SH3RF3: variants seen among roughly 807,000 people sequenced by gnomAD.
SH3RF3 encodes the protein E3 ubiquitin-protein ligase SH3RF3.
In SH3RF3, 29 loss-of-function variants were observed where a neutral mutation model predicts 66.3. The observed-to-expected ratio is 0.44, with a 90% CI of 0.33 to 0.60. The LOEUF (loss-of-function observed/expected upper bound fraction) is 0.60. Among genes scored for constraint, SH3RF3 ranks in the 20% least tolerant of loss-of-function variants. SH3RF3 has a pLI of 0.04. For missense variants in SH3RF3, 1,194 were observed against 1,190.9 expected (o/e 1.00, Z -0.04); for synonymous variants, 583 against 532.0 (o/e 1.10, Z -1.32).
chr2:109,427,720 C>T (rs1285950039), intron 5 of SH3RF3, among the ~76,000 whole-genome samples: 2 of 152,244 alleles, frequency 1.3e-5, no homozygotes. Context: ...ACACTTGGTT[C>T]TACCTGGGAG....
Position 109,279,510 on chromosome 2 carries a change from G to A in SH3RF3, c.574-68164G>A, listed in dbSNP as rs376112039. 5.3e-5 allele frequency among the ~76,000 whole-genome samples: 8 copies of A among 152,250 alleles called. No homozygotes were observed. In the East Asian group the frequency reaches 5.8e-4, roughly 11 times the overall value. ...CTCTGAGGCTTTAACTGGGGAAGTC[G>A]CCACCGCCCCCTCCATCACCCTTGT... On this transcript the variant is annotated intron_variant, in intron 1 of 9. Coordinates refer to ENST00000309415, the MANE Select transcript of SH3RF3 (RefSeq NM_001099289.3).
At chr2:109,241,867 G>A (rs1055342996) in intron 1 of SH3RF3, among the ~76,000 whole-genome samples, 3 of 151,434 alleles carry the variant, frequency 2.0e-5, no homozygotes, top group Non-Finnish European at 4.4e-5. Context: ...CCGGGTTCAC[G>A]CCATTCTCCT....
intron 1 of SH3RF3, among the ~76,000 whole-genome samples, chr2:109,249,583 C>T (rs55739541): frequency 0.43 from 35,414 of 82,508 alleles, 7,450 homozygotes; most frequent in East Asian, 0.45. Context: ...TTCCTTCCTT[C>T]CTTTCCTTTC....
intron 1 of SH3RF3, among the ~76,000 whole-genome samples, chr2:109,304,083 A>G (rs540362149): frequency 2.4e-4 from 36 of 151,734 alleles, no homozygotes; most frequent in Admixed American, 2.2e-3. Context: ...CCTGGGCAAC[A>G]GGAGCAAAAC....
At chr2:109,171,705 T>G (rs1223206172) in intron 1 of SH3RF3, among the ~76,000 whole-genome samples, 1 of 152,242 alleles carries the variant, frequency 6.6e-6, no homozygotes, top group Non-Finnish European at 1.5e-5. Context: ...AGCTAATGCC[T>G]TCCAGAGGCC....
rs367908519 is a variant in SH3RF3 at position 109,140,131 on chromosome 2, C to G, written c.573+10018C>G. Among the ~76,000 whole-genome samples, 22 of 152,280 alleles carry G rather than the reference C, an allele frequency of 1.4e-4. 1 individual carries two copies. The South Asian group carries it at 2.3e-3, about 16-fold the overall frequency. ...CCCCTTTTCCCTCTGTCCACCGTCC[C>G]CTCCTGCACCATCACTGTCACTTCT... is the stretch of plus-strand genomic sequence containing the variant. On this transcript the variant is annotated intron_variant, in intron 1 of 9. Coordinates refer to ENST00000309415, the MANE Select transcript of SH3RF3 (RefSeq NM_001099289.3).
chr2:109,191,064 C>G (rs968095740), intron 1 of SH3RF3, among the ~76,000 whole-genome samples: 10 of 151,978 alleles, frequency 6.6e-5, no homozygotes, highest in African/African-American at 2.4e-4. Context: ...GTCTAACCTC[C>G]TCTGTTGTAT....
chr2:109,449,593 T>G, intron 8 of SH3RF3, 104 bp downstream of exon 8: 1 of 1,404,624 alleles, frequency 7.1e-7, no homozygotes, highest in Non-Finnish European at 9.6e-7. Context: ...AGCTAGAATG[T>G]GGGCTCCAAG....
At chr2:109,190,457 AG>A (rs1678321978) in intron 1 of SH3RF3, among the ~76,000 whole-genome samples, 1 of 152,200 alleles carries the variant, frequency 6.6e-6, no homozygotes, top group Non-Finnish European at 1.5e-5. Context: ...TATAGGCGTG[AG>A]CCACTGCGCC....
intron 9 of SH3RF3, among the ~76,000 whole-genome samples, chr2:109,496,118 C>T (rs565374222): frequency 5.4e-4 from 83 of 152,336 alleles, no homozygotes; most frequent in African/African-American, 1.9e-3. Context: ...TGTTTTTGTC[C>T]TATCAGAACG....
At chr2:109,424,107 G>A (rs1393477791) in intron 5 of SH3RF3, among the ~76,000 whole-genome samples, 1 of 152,218 alleles carries the variant, frequency 6.6e-6, no homozygotes, top group Non-Finnish European at 1.5e-5. Flanking sequence ...CCTGGAGGCA[G>A]GCCCTGAGAT....
chr2:109,382,800 C>T (rs930469476), intron 3 of SH3RF3, among the ~76,000 whole-genome samples: 2 of 152,206 alleles, frequency 1.3e-5, no homozygotes, highest in African/African-American at 4.8e-5. Context: ...AGTTAGCACC[C>T]CCAATGTTCT....
Position 109,495,477 on chromosome 2 carries a change from C to CTTTTTTTTTTTTTT in SH3RF3, c.2480+4560_2480+4573dup, listed in dbSNP as rs569509984. On this transcript the variant is annotated intron_variant, in intron 9 of 9. Coordinates refer to ENST00000309415, the MANE Select transcript of SH3RF3 (RefSeq NM_001099289.3). ...ATTTCATCCTGAATATCTTTCATTC[C>CTTTTTTTTTTTTTT]TTTTTTTTTTTTTTTTTTTTTTTTT... Among the ~76,000 whole-genome samples, 8 of 94,240 alleles carry CTTTTTTTTTTTTTT rather than the reference C, an allele frequency of 8.5e-5. 2 individuals carry two copies. The highest frequency in any genetic ancestry group is 2.3e-4 in the African/African-American group (5 of 21,870). The allele number at this position is 94,240 out of a possible 152,430, so 61.8% of individuals were successfully genotyped here.
At chr2:109,160,326 A>T (rs1677460198) in intron 1 of SH3RF3, among the ~76,000 whole-genome samples, 1 of 152,232 alleles carries the variant, frequency 6.6e-6, no homozygotes, top group African/African-American at 2.4e-5. Context: ...CTTGGGGTGC[A>T]GCCCATGCTT....
At chr2:109,380,027 A>G (rs1278157958) in intron 3 of SH3RF3, among the ~76,000 whole-genome samples, 4 of 152,188 alleles carry the variant, frequency 2.6e-5, no homozygotes, top group Non-Finnish European at 2.9e-5. Context: ...AAATGAGTGT[A>G]AAGAAATGAG....
At chr2:109,209,605 C>T (rs1678921151) in intron 1 of SH3RF3, among the ~76,000 whole-genome samples, 1 of 152,146 alleles carries the variant, frequency 6.6e-6, no homozygotes, top group African/African-American at 2.4e-5. Flanking sequence ...CTATCCACTC[C>T]CTGCTGTGTA....
chr2:109,259,144 G>A (rs1226388867), intron 1 of SH3RF3, among the ~76,000 whole-genome samples: 2 of 152,216 alleles, frequency 1.3e-5, no homozygotes, highest in African/African-American at 4.8e-5. Flanking sequence ...CATGCCACGC[G>A]GCTTGTGGCT....
intron 1 of SH3RF3, among the ~76,000 whole-genome samples, chr2:109,282,543 T>C (rs1421431927): frequency 6.6e-6 from 1 of 152,116 alleles, no homozygotes; most frequent in African/African-American, 2.4e-5. Context: ...GGTACTGCCC[T>C]GTGCCTCAGC....
chr2:109,343,733 G>T (rs1357126583), intron 1 of SH3RF3, among the ~76,000 whole-genome samples: 1 of 146,030 alleles, frequency 6.8e-6, no homozygotes, highest in African/African-American at 2.5e-5. Context: ...CCCTGCTCCT[G>T]CCCTGGTTTC....
Sources: gnomAD v4.1 joint callset for allele counts (sites outside exome capture counted in the v4.1 genomes callset) on GRCh38, gnomAD v4.1.1 for gene constraint, MANE v1.5 for transcripts, NCBI Gene and HGNC (gene_info 2026-07-23, HGNC 2026-07-21) for gene names.